MFRP: variants seen among roughly 807,000 people sequenced by gnomAD.
The protein encoded by MFRP is C1q and TNF related 5.
Under a neutral mutation model 65.8 loss-of-function variants are expected in MFRP, and 74 were observed. The ratio of observed to expected loss-of-function variants is 1.12; its 90% CI spans 0.93 to 1.36. The LOEUF (loss-of-function observed/expected upper bound fraction) is 1.36, where lower values mean the gene tolerates loss of function less well. MFRP is among the 40% of genes most tolerant of loss of function. The pLI is 0.00. For missense variants in MFRP, 838 were observed against 736.0 expected, an observed-to-expected ratio of 1.14 and a Z score of -1.60; for synonymous variants, 336 against 288.3, an observed-to-expected ratio of 1.17 and a Z score of -1.68.
At position 119,339,965 on chromosome 11, in the gene MFRP, C is replaced by T. The variant is rs1950483725; in HGVS notation, c.*1111-117G>A. 7.4e-7 allele frequency: 1 copy of T among 1,353,594 alleles called. No homozygotes were observed. The highest frequency in any genetic ancestry group is 9.6e-7 in the Non-Finnish European group (1 of 1,038,024). 83.8% of individuals were successfully genotyped at this position (1,353,594 alleles called of 1,614,324 possible). ...CCTGCCTGAGCTTCGGCCAGCGCCT[C>T]CTCCCGCACGGGTACCTCCTCCACC... On this transcript the variant is annotated intron_variant, in intron 14 of 14. Transcript: ENST00000619721. This position sits in a 1 kb window ranked among gnomAD's most constrained non-coding sequence, Gnocchi z 5.4.
chr11:119,344,585 A>G (rs757605843), intron 7 of MFRP, 47 bp downstream of exon 7: 1 of 1,613,362 alleles, frequency 6.2e-7, no homozygotes, highest in Non-Finnish European at 8.5e-7. Flanking sequence ...CCCAGCTTGA[A>G]CCCAGATCAG....
chr11:119,345,573 G>A lies in MFRP; in HGVS notation c.488C>T (p.Pro163Leu). 1 of 1,613,962 alleles carries A rather than the reference G, an allele frequency of 6.2e-7. No individual in the cohort carries two copies. Among genetic ancestry groups the A allele is most frequent in the Non-Finnish European group, 8.5e-7 (1 of 1,180,016 alleles). The part of the protein sequence containing the change: ...GFFSSPNYPD[P>L]YPPNTHCVWH... ...CACGCAGTGGGTGTTGGGGGGGTAA[G>A]GGTCTGGGTAGTTAGGGCTGCTGAA... Residue 163 changes from proline to leucine, a missense_variant, in exon 5 of 15, where the codon CCT (proline) becomes CTT (leucine). Physicochemically the swap from Pro to Leu is moderately conservative, Grantham distance 98. Transcript: ENST00000619721.
At chr11:119,340,575 G>A in intron 13 of MFRP, 120 bp downstream of exon 13, 2 of 644,296 alleles carry the variant, frequency 3.1e-6, no homozygotes, top group East Asian at 3.2e-5. Context: ...CCGAGCATCC[G>A]GAGAGCACAG....
rs764416891 is a variant in MFRP, at chr11:119,345,545, C to A, written c.516G>T (p.Trp172Cys). The A allele has an allele frequency of 5.0e-6, 8 of 1,614,052 alleles. No individual in the cohort carries two copies. The Admixed American group carries it at 1.3e-4, about 27-fold the overall frequency. The change falls in exon 5 of 15, where the codon TGG becomes TGT. Residue 172 changes from tryptophan (W) to cysteine (C), a missense_variant. Physicochemically the swap from Trp to Cys is radical, Grantham distance 215. Coordinates refer to ENST00000619721, the MANE Select transcript of MFRP (RefSeq NM_031433.4). ...CATGGTCTGTGGCCACCTGGATATG[C>A]CACACGCAGTGGGTGTTGGGGGGGT... Reference protein sequence around the residue: ...DPYPPNTHCVWHIQVATDHAI... With the variant: ...DPYPPNTHCVCHIQVATDHAI...
chr11:119,344,574 GC>G, intron 7 of MFRP, 57 bp downstream of exon 7: 1 of 1,611,636 alleles, frequency 6.2e-7, no homozygotes, highest in East Asian at 2.2e-5. Flanking sequence ...GAGCTGGGGA[GC>G]CCAGCTTGAA....
Position 119,346,327 on chromosome 11 carries a change from G to A in MFRP, c.102C>T (p.Cys34=), listed in dbSNP as rs1033747538. Residue 34 remains cysteine (C), a synonymous_variant, in exon 2 of 15, where the codon TGC becomes TGT. Transcript: ENST00000619721. ...CATCCTCTGGGAAAACTGGGGGAGG[G>A]CAGGGTGGCCCAGACTCAGGCTCGA... The part of the protein sequence containing the change: ...PAFEPESGPP[C]PPPVFPEDAS... 2 of 1,614,032 alleles carry A rather than the reference G, an allele frequency of 1.2e-6. No homozygotes were observed. Among genetic ancestry groups the A allele is most frequent in the Non-Finnish European group, 1.7e-6 (2 of 1,179,990 alleles).
Position 119,344,622 on chromosome 11 carries a change from T to C in MFRP, c.898+10A>G. 1 of 1,614,000 alleles carries C rather than the reference T, an allele frequency of 6.2e-7. No homozygotes were observed. The highest frequency in any genetic ancestry group is 1.1e-5 in the South Asian group (1 of 91,086). On this transcript the variant is annotated intron_variant, in intron 7 of 14. Coordinates refer to ENST00000619721, the MANE Select transcript of MFRP (RefSeq NM_031433.4). Reference sequence around the variant, plus strand: ...CGCCTGAAGAGAGGACCCCCATGCCTGGCCCGTACCCGAGAACTTGGCACT... The same window carrying C: ...CGCCTGAAGAGAGGACCCCCATGCCCGGCCCGTACCCGAGAACTTGGCACT...
Position 119,345,642 on chromosome 11 carries a change from A to T in MFRP, c.428-9T>A, listed in dbSNP as rs750619200. 1 of 1,613,428 alleles carries T rather than the reference A, an allele frequency of 6.2e-7. No individual in the cohort carries two copies. Among genetic ancestry groups the T allele is most frequent in the Non-Finnish European group, 8.5e-7 (1 of 1,179,860 alleles). ...GAGGAGGCCTCCACAGGCTGCAGAG[A>T]TGGAGGTTAGAGTTCAGAGGTCAAA... is the stretch of plus-strand genomic sequence containing the variant. On this transcript the variant is annotated splice_polypyrimidine_tract_variant and intron_variant, in intron 4 of 14. Transcript: ENST00000619721.
At position 119,343,022 on chromosome 11, in the gene MFRP, T is replaced by C; in HGVS notation, c.1125-19A>G. On this transcript the variant is annotated intron_variant, in intron 9 of 14. Transcript: ENST00000619721. Reference sequence around the variant, plus strand: ...ACAGAACCTGCCCAAAGCAGACAGCTGTTCTGGGCACCAGCCCTGGCTGAC... The same window carrying C: ...ACAGAACCTGCCCAAAGCAGACAGCCGTTCTGGGCACCAGCCCTGGCTGAC... 1 of 1,589,460 alleles carries C rather than the reference T, an allele frequency of 6.3e-7. No individual in the cohort carries two copies. The highest frequency in any genetic ancestry group is 8.5e-7 in the Non-Finnish European group (1 of 1,169,894).
intron 8 of MFRP, 28 bp downstream of exon 8, chr11:119,344,287 C>A (rs1443518307): frequency 1.2e-6 from 2 of 1,606,992 alleles, no homozygotes; most frequent in South Asian, 1.1e-5. Context: ...GTGTGCCCCT[C>A]CCGTTCTGCA....
At chr11:119,345,342 T>C (rs1012778936) in intron 5 of MFRP, 78 bp downstream of exon 5, 1 of 1,448,128 alleles carries the variant, frequency 6.9e-7, no homozygotes, top group Non-Finnish European at 9.7e-7. Flanking sequence ...TTAGCCCTTC[T>C]CCCTGCCACT....
chr11:119,342,633 G>A lies in MFRP; in HGVS notation c.1350C>T (p.Ser450=), dbSNP rs779359811. 7 of 1,613,548 alleles carry A rather than the reference G, an allele frequency of 4.3e-6. No individual in the cohort carries two copies. Among genetic ancestry groups the A allele is most frequent in the East Asian group, 2.2e-5 (1 of 44,868 alleles). The change falls in exon 11 of 15, where the codon AGC becomes AGT. Residue 450 remains serine, a synonymous_variant. Transcript: ENST00000619721. ...ACAAGGGGCCGCTGCAGTTGTCATCGCTGCCATCGGTGCAGTCTCTCCACA... is the reference window on the plus strand; with the variant it reads ...ACAAGGGGCCGCTGCAGTTGTCATCACTGCCATCGGTGCAGTCTCTCCACA... ...CDMWRDCTDG[S]DDNCSGPLFP...
chr11:119,339,486 C>T lies in MFRP; in HGVS notation c.*1473G>A. The T allele has an allele frequency of 6.2e-7, 1 of 1,614,060 alleles. No homozygotes were observed. Among genetic ancestry groups the T allele is most frequent in the South Asian group, 1.1e-5 (1 of 91,084 alleles). ...GGCTCCAGCCTCACCATGGCCCCCC[C>T]CGAGAGCGAGGCTGGCTTGGGCCAC... On this transcript the variant is annotated 3_prime_UTR_variant, in exon 15 of 15. Coordinates refer to ENST00000619721, the MANE Select transcript of MFRP (RefSeq NM_031433.4). The surrounding 1 kb of genome is among the most constrained non-coding windows in gnomAD (Gnocchi z 5.4).
intron 7 of MFRP, 42 bp downstream of exon 7, chr11:119,344,590 G>C (rs908688579): frequency 6.2e-7 from 1 of 1,613,522 alleles, no homozygotes; most frequent in Non-Finnish European, 8.5e-7. Context: ...CTTGAACCCA[G>C]ATCAGACGCC....
rs201954533 is a variant in MFRP, at chr11:119,346,562, C to T, written c.-49G>A. The T allele has an allele frequency of 6.4e-4, 1,018 of 1,585,996 alleles. 6 individuals are homozygous for T. The highest frequency in any genetic ancestry group is 3.2e-3 in the Middle Eastern group (17 of 5,288). ...CTGGAGTCCCTGTGACAGCCCAAGA[C>T]CCCCAAGGGCCCACTCGCTGACCAC... On this transcript the variant is annotated 5_prime_UTR_variant, in exon 1 of 15. Transcript: ENST00000619721.
Position 119,343,817 on chromosome 11 carries a change from T to C in MFRP, c.1123A>G (p.Arg375Gly). ...ATGGCTCTTCCCTGGCTCCTGTACC[T>C]GCCCAGGAGGCTGAAGGCCCCTGAG... Reference protein sequence around the residue: ...SSSGAFSLLGRFCGAEPPPHL... With the variant: ...SSSGAFSLLGGFCGAEPPPHL... The change falls in exon 9 of 15, where the codon AGG (arginine) becomes GGG (glycine). Residue 375 changes from arginine to glycine, a missense_variant and splice_region_variant. Transcript: ENST00000619721. 6.2e-7 allele frequency: 1 copy of C among 1,613,926 alleles called. No individual in the cohort carries two copies. Among genetic ancestry groups the C allele is most frequent in the Middle Eastern group, 1.6e-4 (1 of 6,062 alleles).
rs757803919 is a variant in MFRP at position 119,343,959 on chromosome 11, G to A, written c.981C>T (p.Cys327=). 6.2e-7 allele frequency: 1 copy of A among 1,612,704 alleles called. No individual in the cohort carries two copies. The highest frequency in any genetic ancestry group is 1.1e-5 in the South Asian group (1 of 91,050). The change falls in exon 9 of 15, where the codon TGC becomes TGT. Residue 327 remains cysteine (C), a synonymous_variant. Coordinates refer to ENST00000619721, the MANE Select transcript of MFRP (RefSeq NM_031433.4). The part of the protein sequence containing the change: ...YLQQYPHQLL[C]TWHISVPAGH... Reference sequence around the variant, plus strand: ...CGGCAGGCACCGAGATATGCCAGGTGCAGAGCTGGGGGAGGGCATAGGTGG... The same window carrying A: ...CGGCAGGCACCGAGATATGCCAGGTACAGAGCTGGGGGAGGGCATAGGTGG...
chr11:119,346,382 G>T lies in MFRP; in HGVS notation c.55-8C>A, dbSNP rs762086812. 1.9e-6 allele frequency: 3 copies of T among 1,613,738 alleles called. No individual in the cohort carries two copies. Among genetic ancestry groups the T allele is most frequent in the Admixed American group, 3.3e-5 (2 of 59,992 alleles). On this transcript the variant is annotated splice_polypyrimidine_tract_variant and splice_region_variant and intron_variant, in intron 1 of 14. Transcript: ENST00000619721. ...AGGATTGCAGAACTCGGTCTGGAAG[G>T]GGGAGATACTTGAGGGCTGAGGGCA...
rs1950542353 is a variant in MFRP, at chr11:119,344,759, T to G, written c.773-2A>C. 2 of 1,613,820 alleles carry G rather than the reference T, an allele frequency of 1.2e-6. No individual in the cohort carries two copies. Among genetic ancestry groups the G allele is most frequent in the East Asian group, 2.2e-5 (1 of 44,902 alleles). On this transcript the variant is annotated splice_acceptor_variant, in intron 6 of 14. Transcript: ENST00000619721. LOFTEE classifies it high-confidence loss of function. Reference sequence around the variant, plus strand: ...GGAACTCATCATGGGCACAGCTCCCTGGATGTGGGCACCAGGAGTCAGGGA... The same window carrying G: ...GGAACTCATCATGGGCACAGCTCCCGGGATGTGGGCACCAGGAGTCAGGGA...
Sources: allele counts gnomAD v4.1 joint callset, GRCh38; gene constraint gnomAD v4.1.1; non-coding constraint Gnocchi (gnomAD v3.1); transcripts MANE v1.5; gene names NCBI Gene and HGNC (gene_info 2026-07-23, HGNC 2026-07-21).